Variants in EPHA6 observed in about 807,000 individuals in gnomAD.
The protein encoded by EPHA6 is EPH receptor A6, also known as ephrin type-A receptor 6.
A neutral mutation model predicts 112.0 loss-of-function variants in EPHA6; 50 were observed. The ratio of observed to expected loss-of-function variants is 0.45; its 90% confidence interval spans 0.36 to 0.56. The LOEUF (loss-of-function observed/expected upper bound fraction) is 0.56, where lower values mean the gene tolerates loss of function less well. EPHA6 is among the 20% of genes least tolerant of loss of function. The pLI is 0.00. For synonymous variants in EPHA6, 529 were observed against 490.7 expected (o/e 1.08, Z -1.03); for missense variants, 1,280 against 1,417.4 (o/e 0.90, Z 1.56).
At chr3:97,324,471 TTTTCTTTCG>T (rs2082311762) in intron 5 of EPHA6, among the ~76,000 whole-genome samples, 1 of 127,118 alleles carries the variant, frequency 7.9e-6, no homozygotes. Context: ...CTTTCTTTCT[TTTTCTTTCG>T]TCTCTTTCTC....
At chr3:96,925,848 C>T (rs936466816) in intron 2 of EPHA6, among the ~76,000 whole-genome samples, 4 of 152,068 alleles carry the variant, frequency 2.6e-5, no homozygotes, top group Non-Finnish European at 4.4e-5. Flanking sequence ...TCAGGTGATC[C>T]ACCTGCCTTG....
intron 6 of EPHA6, among the ~76,000 whole-genome samples, chr3:97,443,752 A>G (rs1371036489): frequency 6.6e-6 from 1 of 152,180 alleles, no homozygotes; most frequent in East Asian, 1.9e-4. Flanking sequence ...CCAATTGAGG[A>G]ACTAGTTGTT....
intron 3 of EPHA6, among the ~76,000 whole-genome samples, chr3:97,133,071 T>C (rs1238131744): frequency 6.6e-6 from 1 of 152,038 alleles, no homozygotes; most frequent in Non-Finnish European, 1.5e-5. Context: ...AAGTAAAGGA[T>C]AACTGGTGTT....
At chr3:97,659,510 G>T (rs1159224449) in intron 14 of EPHA6, among the ~76,000 whole-genome samples, 2 of 152,012 alleles carry the variant, frequency 1.3e-5, no homozygotes, top group African/African-American at 4.8e-5. Flanking sequence ...CTACATATTG[G>T]TTCAGTAGCT....
chr3:97,259,662 T>C (rs1006459860), intron 5 of EPHA6, among the ~76,000 whole-genome samples: 1 of 152,186 alleles, frequency 6.6e-6, no homozygotes, highest in Non-Finnish European at 1.5e-5. Context: ...TCATAATGCA[T>C]GAGTACTCTG....
chr3:97,386,041 C>T (rs1251307058), intron 5 of EPHA6, among the ~76,000 whole-genome samples: 3 of 152,054 alleles, frequency 2.0e-5, no homozygotes, highest in African/African-American at 4.8e-5. Context: ...ATTTCATGTC[C>T]TTCTCACATT....
intron 14 of EPHA6, among the ~76,000 whole-genome samples, chr3:97,702,643 C>T (rs1309812802): frequency 6.6e-6 from 1 of 152,130 alleles, no homozygotes; most frequent in Non-Finnish European, 1.5e-5. Context: ...TATAACAGTA[C>T]TGCAATTCAA....
At chr3:97,663,322 TTTC>T (rs2107638292) in intron 14 of EPHA6, among the ~76,000 whole-genome samples, 1 of 152,148 alleles carries the variant, frequency 6.6e-6, no homozygotes, top group East Asian at 1.9e-4. Context: ...AGCCTTTTTT[TTTC>T]TTTTTTTATA....
chr3:97,085,488 T>C (rs1444152112), intron 3 of EPHA6, among the ~76,000 whole-genome samples: 1 of 152,126 alleles, frequency 6.6e-6, no homozygotes, highest in Non-Finnish European at 1.5e-5. Flanking sequence ...CTTAAACAAG[T>C]TACTTTGGGG....
intron 2 of EPHA6, among the ~76,000 whole-genome samples, chr3:96,952,589 A>G (rs1000668840): frequency 1.3e-5 from 2 of 152,208 alleles, no homozygotes; most frequent in African/African-American, 4.8e-5. Context: ...TGAGCAAAAT[A>G]AAGTTATTTT....
At chr3:97,586,126 G>C (rs542938099) in intron 11 of EPHA6, among the ~76,000 whole-genome samples, 6 of 152,172 alleles carry the variant, frequency 3.9e-5, no homozygotes, top group African/African-American at 1.4e-4. Context: ...GATCATTTTT[G>C]TATCCACTCA....
chr3:97,530,813 G>A (rs1390629746), intron 10 of EPHA6, among the ~76,000 whole-genome samples: 1 of 151,860 alleles, frequency 6.6e-6, no homozygotes, highest in African/African-American at 2.4e-5. Flanking sequence ...GTTACGCCTT[G>A]TTTCCTTCCT....
At chr3:97,737,531 A>G (rs2035317000) in intron 16 of EPHA6, among the ~76,000 whole-genome samples, 1 of 152,032 alleles carries the variant, frequency 6.6e-6, no homozygotes, top group South Asian at 2.1e-4. Context: ...GAGGGAGGAG[A>G]AAAAGAATCA....
At chr3:97,277,317 G>A (rs190517479) in intron 5 of EPHA6, among the ~76,000 whole-genome samples, 2 of 152,100 alleles carry the variant, frequency 1.3e-5, no homozygotes, top group Non-Finnish European at 2.9e-5. Flanking sequence ...GTTCTCTGGC[G>A]GGAAGGGGTG....
chr3:97,648,508 A>C, intron 14 of EPHA6: 1 of 1,293,170 alleles, frequency 7.7e-7, no homozygotes, highest in Non-Finnish European at 9.8e-7. Context: ...TGACTTTTTG[A>C]AGTTAATTTT....
At chr3:96,872,453 A>T (rs2107476736) in intron 2 of EPHA6, among the ~76,000 whole-genome samples, 1 of 151,882 alleles carries the variant, frequency 6.6e-6, no homozygotes, top group Admixed American at 6.6e-5. Flanking sequence ...TAAATTTCTG[A>T]CCTATTTCAT....
intron 3 of EPHA6, among the ~76,000 whole-genome samples, chr3:97,169,415 A>G (rs750550856): frequency 2.0e-5 from 3 of 152,118 alleles, no homozygotes; most frequent in Non-Finnish European, 4.4e-5. Flanking sequence ...ATTACCTTCA[A>G]TGCCTAATTA....
At chr3:96,992,085 A>G (rs569635780) in intron 3 of EPHA6, among the ~76,000 whole-genome samples, 2 of 152,282 alleles carry the variant, frequency 1.3e-5, no homozygotes, top group South Asian at 2.1e-4. Flanking sequence ...AAGAATTGCA[A>G]CTAGCAACAT....
At chr3:97,028,165 T>C (rs1291633492) in intron 3 of EPHA6, among the ~76,000 whole-genome samples, 1 of 152,138 alleles carries the variant, frequency 6.6e-6, no homozygotes, top group Non-Finnish European at 1.5e-5. Flanking sequence ...GTTTTGTTTA[T>C]ATAGAGAGGA....
Sources: allele counts gnomAD v4.1 joint callset (sites outside exome capture counted in the v4.1 genomes callset), GRCh38; gene constraint gnomAD v4.1.1; transcripts MANE v1.5; gene names NCBI Gene and HGNC (gene_info 2026-07-23, HGNC 2026-07-21).